The following RNF150 variants were observed in gnomAD, a reference collection of about 807,000 sequenced individuals.
The protein encoded by RNF150 is ring finger protein 150.
Under a neutral mutation model 39.3 loss-of-function variants are expected in RNF150, and 24 were observed. The ratio of observed to expected loss-of-function variants is 0.61; its 90% CI spans 0.44 to 0.86. The LOEUF (loss-of-function observed/expected upper bound fraction) is 0.86. Among genes scored for constraint, RNF150 ranks in the 40% least tolerant of loss-of-function variants. RNF150 has a pLI of 0.00. For missense variants in RNF150, 502 were observed against 587.8 expected, an observed-to-expected ratio of 0.85 and a Z score of 1.51; for synonymous variants, 255 against 227.3, an observed-to-expected ratio of 1.12 and a Z score of -1.10.
At chr4:141,011,400 C>A (rs922109532) in intron 1 of RNF150, among the ~76,000 whole-genome samples, 12 of 152,178 alleles carry the variant, frequency 7.9e-5, no homozygotes, top group African/African-American at 2.9e-4. Context: ...ACTTGAGATT[C>A]TTCTCCTCAA....
chr4:141,129,942 T>A (rs1306401994), intron 1 of RNF150, among the ~76,000 whole-genome samples: 4 of 152,230 alleles, frequency 2.6e-5, no homozygotes, highest in Non-Finnish European at 5.9e-5. Flanking sequence ...AGATATATCA[T>A]CAGCTTTTGC....
rs57356300 is a variant in RNF150, at chr4:140,877,726, C to G, written c.1199-9347G>C. ...GAAATGTAATACAAGGTGACATATG[C>G]TAAAAGAGAGGTGTAAATAAAATGT... On this transcript the variant is annotated intron_variant, in intron 6 of 6. Transcript: ENST00000515673. Among the ~76,000 whole-genome samples the G allele has an allele frequency of 9.5e-3, 1,445 of 152,202 alleles. 29 individuals are homozygous for G. Among genetic ancestry groups the G allele is most frequent in the African/African-American group, 0.033 (1,352 of 41,528 alleles).
At chr4:141,209,332 A>C (rs1183151012) in intron 1 of RNF150, among the ~76,000 whole-genome samples, 5 of 152,146 alleles carry the variant, frequency 3.3e-5, no homozygotes, top group Admixed American at 3.3e-4. Context: ...ATTTGTCTAC[A>C]AGTCTGCATG....
Position 140,865,495 on chromosome 4 carries a change from G to C in RNF150, c.*2766C>G, listed in dbSNP as rs1447625017. 6.6e-6 allele frequency: 1 copy of C among 152,174 alleles called. No homozygotes were observed. Among genetic ancestry groups the C allele is most frequent in the Admixed American group, 6.6e-5 (1 of 15,252 alleles). 9.4% of individuals were successfully genotyped at this position (152,174 alleles called of 1,614,324 possible). A position where few individuals can be genotyped will look rare whatever the true frequency, so the allele number is the denominator to read the frequency against. On this transcript the variant is annotated 3_prime_UTR_variant, in exon 7 of 7. Coordinates refer to ENST00000515673, the MANE Select transcript of RNF150 (RefSeq NM_020724.2). ...TGGGGGAGGTAAAGAAGGCTATAAGGAAGGGCTGTTCCCCTTTCTTCTGAA... is the reference window on the plus strand; with the variant it reads ...TGGGGGAGGTAAAGAAGGCTATAAGCAAGGGCTGTTCCCCTTTCTTCTGAA...
intron 1 of RNF150, among the ~76,000 whole-genome samples, chr4:141,041,112 A>C (rs1368390051): frequency 1.3e-5 from 2 of 152,182 alleles, no homozygotes; most frequent in East Asian, 3.9e-4. Context: ...AGTCTCTACT[A>C]GGTAGTACTA....
chr4:141,077,315 C>G (rs1265717187), intron 1 of RNF150, among the ~76,000 whole-genome samples: 1 of 152,062 alleles, frequency 6.6e-6, no homozygotes, highest in African/African-American at 2.4e-5. Flanking sequence ...AAATACTACT[C>G]CGGAGTGAAC....
chr4:141,003,566 T>TACACACACACACACAC lies in RNF150; in HGVS notation c.485-35709_485-35694dup, dbSNP rs70946725. Among the ~76,000 whole-genome samples, 800 of 142,546 alleles carry TACACACACACACACAC rather than the reference T, an allele frequency of 5.6e-3. 3 individuals are homozygous for TACACACACACACACAC. The highest frequency in any genetic ancestry group is 9.1e-3 in the Non-Finnish European group (601 of 65,810). The allele number at this position is 142,546 out of a possible 152,430, so 93.5% of individuals were successfully genotyped here. On this transcript the variant is annotated intron_variant, in intron 1 of 6. Coordinates refer to ENST00000515673, the MANE Select transcript of RNF150 (RefSeq NM_020724.2). Reference sequence around the variant, plus strand: ...CAACATTCACCCAATCCCTAGCACGTACACACACACACACACACACACACA... The same window carrying TACACACACACACACAC: ...CAACATTCACCCAATCCCTAGCACGTACACACACACACACACACACACACACACACACACACACACA...
At chr4:141,144,842 C>T (rs981137498) in intron 1 of RNF150, among the ~76,000 whole-genome samples, 6 of 151,668 alleles carry the variant, frequency 4.0e-5, no homozygotes, top group Non-Finnish European at 5.9e-5. Flanking sequence ...TCTCAATAAA[C>T]GTAGAAGGAA....
intron 2 of RNF150, among the ~76,000 whole-genome samples, chr4:140,953,503 T>C (rs184921533): frequency 2.6e-4 from 35 of 132,568 alleles, no homozygotes; most frequent in Admixed American, 2.6e-3. Flanking sequence ...TATGATGATA[T>C]GGGACCATGT....
chr4:141,054,113 G>T (rs1189065967), intron 1 of RNF150, among the ~76,000 whole-genome samples: 1 of 152,054 alleles, frequency 6.6e-6, no homozygotes, highest in Non-Finnish European at 1.5e-5. Context: ...ATGTCCGTAA[G>T]TCTACAGATT....
Position 140,947,692 on chromosome 4 carries a change from C to T in RNF150, c.852G>A (p.Gly284=). The change falls in exon 4 of 7, where the codon GGG becomes GGA. Residue 284 remains glycine, a synonymous_variant. Coordinates refer to ENST00000515673, the MANE Select transcript of RNF150 (RefSeq NM_020724.2). ...TCCGGACAACGTCATTGGGCTTGTA[C>T]CCTTCAATACAAACTGCACAGTTGT... ...DFDNCAVCIE[G]YKPNDVVRIL... is the part of the protein sequence containing the mutation. 3.1e-6 allele frequency: 5 copies of T among 1,606,916 alleles called. No individual in the cohort carries two copies. The highest frequency in any genetic ancestry group is 4.2e-6 in the Non-Finnish European group (5 of 1,177,450).
At chr4:141,164,225 GA>G (rs552221395) in intron 1 of RNF150, among the ~76,000 whole-genome samples, 16 of 147,668 alleles carry the variant, frequency 1.1e-4, no homozygotes, top group Admixed American at 6.1e-4. Context: ...TCAATTTAAT[GA>G]AAAAAAAACA....
chr4:140,884,592 G>GC (rs1176398491), intron 6 of RNF150, among the ~76,000 whole-genome samples: 3 of 152,202 alleles, frequency 2.0e-5, no homozygotes, highest in Non-Finnish European at 4.4e-5. Flanking sequence ...CATCACTGAA[G>GC]CCTTTCTGGT....
chr4:140,894,612 G>A (rs1729871619), intron 6 of RNF150, among the ~76,000 whole-genome samples: 1 of 152,132 alleles, frequency 6.6e-6, no homozygotes, highest in South Asian at 2.1e-4. Flanking sequence ...ATTGGTGCAT[G>A]CTTTGTTTAA....
intron 5 of RNF150, among the ~76,000 whole-genome samples, chr4:140,912,333 T>C (rs1252208415): frequency 1.3e-5 from 2 of 152,340 alleles, no homozygotes; most frequent in East Asian, 3.9e-4. Flanking sequence ...GGAGGAATAT[T>C]GTCTTAAGCA....
chr4:140,929,655 C>T (rs1456834954), intron 4 of RNF150, among the ~76,000 whole-genome samples: 3 of 152,048 alleles, frequency 2.0e-5, no homozygotes, highest in Non-Finnish European at 2.9e-5. Context: ...CGTGAGACAC[C>T]GTGCCCGGCC....
At chr4:141,116,360 A>T (rs1739549500) in intron 1 of RNF150, among the ~76,000 whole-genome samples, 1 of 152,112 alleles carries the variant, frequency 6.6e-6, no homozygotes, top group Admixed American at 6.6e-5. Context: ...CTCAAAAGAC[A>T]TTTATGCGGC....
chr4:141,058,920 C>T (rs1480446691), intron 1 of RNF150, among the ~76,000 whole-genome samples: 1 of 152,126 alleles, frequency 6.6e-6, no homozygotes, highest in Non-Finnish European at 1.5e-5. Flanking sequence ...AATGAATCAA[C>T]AAATGAATAA....
intron 1 of RNF150, among the ~76,000 whole-genome samples, chr4:141,164,789 A>G (rs1438874475): frequency 6.6e-6 from 1 of 152,254 alleles, no homozygotes; most frequent in Non-Finnish European, 1.5e-5. Context: ...TTGCCTTATG[A>G]GAGCTCCTGA....
Sources: allele counts gnomAD v4.1 joint callset (sites outside exome capture counted in the v4.1 genomes callset), GRCh38; gene constraint gnomAD v4.1.1; transcripts MANE v1.5; gene names NCBI Gene and HGNC (gene_info 2026-07-23, HGNC 2026-07-21).